The following PTPRD variants were observed in gnomAD, a reference collection of about 807,000 sequenced individuals.
PTPRD encodes the protein receptor-type tyrosine-protein phosphatase delta.
In PTPRD, 34 loss-of-function variants were observed where a neutral mutation model predicts 214.5. The observed-to-expected ratio is 0.16, with a 90% CI of 0.12 to 0.21. The LOEUF (loss-of-function observed/expected upper bound fraction) is 0.21, where lower values mean the gene tolerates loss of function less well. Among genes scored for constraint, PTPRD ranks in the 10% least tolerant of loss-of-function variants. The pLI is 1.00. For missense variants in PTPRD, 2,545 were observed against 2,398.7 expected (o/e 1.06, Z -1.27); for synonymous variants, 1,128 against 845.7 (o/e 1.33, Z -5.79).
chr9:10,041,002 A>G (rs1438200360), intron 3 of PTPRD, among the ~76,000 whole-genome samples: 1 of 152,052 alleles, frequency 6.6e-6, no homozygotes, highest in Non-Finnish European at 1.5e-5. Context: ...ATACATTTTT[A>G]AATGTTTTTC....
At chr9:9,242,428 C>G (rs1223311487) in intron 9 of PTPRD, among the ~76,000 whole-genome samples, 1 of 152,148 alleles carries the variant, frequency 6.6e-6, no homozygotes, top group Non-Finnish European at 1.5e-5. Flanking sequence ...TGGATAATAT[C>G]CTGCAGAGTG....
intron 4 of PTPRD, among the ~76,000 whole-genome samples, chr9:9,947,493 ATATATATTTTATATATATAATATATATAT>A (rs2092850625): frequency 3.1e-5 from 1 of 32,694 alleles, no homozygotes; most frequent in African/African-American, 1.4e-4. Flanking sequence ...TATATATATT[ATATATATTTTATATATATAATATATATAT>A]TATATATATT....
chr9:9,030,255 A>C (rs2099600294), intron 10 of PTPRD, among the ~76,000 whole-genome samples: 1 of 120,986 alleles, frequency 8.3e-6, no homozygotes, highest in African/African-American at 3.1e-5. Context: ...GTGCCTTTGG[A>C]TCACATGGGC....
chr9:8,825,872 G>A (rs1047551526), intron 11 of PTPRD, among the ~76,000 whole-genome samples: 1 of 152,168 alleles, frequency 6.6e-6, no homozygotes, highest in Non-Finnish European at 1.5e-5. Flanking sequence ...CAGCAAGGAT[G>A]AGCAGATGCC....
chr9:9,235,982 G>A (rs147051146), intron 9 of PTPRD, among the ~76,000 whole-genome samples: 2 of 152,182 alleles, frequency 1.3e-5, no homozygotes, highest in East Asian at 3.9e-4. Flanking sequence ...GAGCAAAATT[G>A]GCCAGGTGCG....
In PTPRD at chr9:9,769,613, A is replaced by T. The variant is rs566318471; in HGVS notation, c.-367-2762T>A. Reference sequence around the variant, plus strand: ...AGTGCTGGGATTACAGGCTTGAGCCACCGTGCCCGGCCACCAGAAGCCCTT... The same window carrying T: ...AGTGCTGGGATTACAGGCTTGAGCCTCCGTGCCCGGCCACCAGAAGCCCTT... On this transcript the variant is annotated intron_variant, in intron 5 of 45. Coordinates refer to ENST00000381196, the MANE Select transcript of PTPRD (RefSeq NM_002839.4). 4.5e-3 allele frequency among the ~76,000 whole-genome samples: 677 copies of T among 152,122 alleles called. 9 individuals carry two copies. Among genetic ancestry groups the T allele is most frequent in the South Asian group, 0.021 (101 of 4,814 alleles).
chr9:10,368,647 G>A (rs1382793211), intron 2 of PTPRD, among the ~76,000 whole-genome samples: 4 of 152,058 alleles, frequency 2.6e-5, no homozygotes, highest in African/African-American at 4.8e-5. Context: ...AAGGTAGGCT[G>A]TGATTACTAG....
rs2077787161 is a variant in PTPRD at position 8,359,141 on chromosome 9, A to ATG, written c.4661+16794_4661+16795insCA. ...AAAAAAACAAAAAAAAAAAAAAACA[A>ATG]AAAAAAATTGAATCAGATTTTAGAT... On this transcript the variant is annotated intron_variant, in intron 39 of 45. Coordinates refer to ENST00000381196, the MANE Select transcript of PTPRD (RefSeq NM_002839.4). Among the ~76,000 whole-genome samples the ATG allele has an allele frequency of 1.2e-4, 14 of 117,060 alleles. 2 individuals carry two copies. Among genetic ancestry groups the ATG allele is most frequent in the Non-Finnish European group, 2.4e-4 (13 of 53,626 alleles). The allele number at this position is 117,060 out of a possible 152,430, so 76.8% of individuals were successfully genotyped here. A position where few individuals can be genotyped will look rare whatever the true frequency, so the allele number is the denominator to read the frequency against.
rs991628181 is a variant in PTPRD, at chr9:10,421,213, C to G, written c.-599-80196G>C. On this transcript the variant is annotated intron_variant, in intron 2 of 45. Coordinates refer to ENST00000381196, the MANE Select transcript of PTPRD (RefSeq NM_002839.4). ...ATTCACTACTTCAGGGGGTTCTGCA[C>G]TGCAGATTACGGGAGGAGTTCCCTA... Among the ~76,000 whole-genome samples, 33 of 151,886 alleles carry G rather than the reference C, an allele frequency of 2.2e-4. 1 individual carries two copies. Among genetic ancestry groups the G allele is most frequent in the Non-Finnish European group, 4.4e-4 (30 of 67,902 alleles).
At chr9:10,056,018 T>C (rs2097637692) in intron 3 of PTPRD, among the ~76,000 whole-genome samples, 1 of 151,420 alleles carries the variant, frequency 6.6e-6, no homozygotes, top group Non-Finnish European at 1.5e-5. Flanking sequence ...CTGAAAGTAC[T>C]TCTTAAGAAT....
chr9:8,541,418 G>C (rs750499008), intron 14 of PTPRD, among the ~76,000 whole-genome samples: 15 of 152,098 alleles, frequency 9.9e-5, no homozygotes, highest in Non-Finnish European at 1.6e-4. Flanking sequence ...TTTTCATAGA[G>C]ATGGGTCTCA....
intron 2 of PTPRD, among the ~76,000 whole-genome samples, chr9:10,426,090 T>C (rs2098611724): frequency 6.6e-6 from 1 of 152,014 alleles, no homozygotes; most frequent in South Asian, 2.1e-4. Context: ...TTAGAACAGA[T>C]AATGATGCAA....
chr9:10,308,249 G>A (rs2096149801), intron 3 of PTPRD, among the ~76,000 whole-genome samples: 1 of 151,974 alleles, frequency 6.6e-6, no homozygotes, highest in African/African-American at 2.4e-5. Flanking sequence ...TATATAGTGA[G>A]AGATAGCATC....
chr9:8,891,215 G>A (rs1015339778), intron 11 of PTPRD, among the ~76,000 whole-genome samples: 2 of 142,306 alleles, frequency 1.4e-5, no homozygotes, highest in African/African-American at 5.2e-5. Context: ...CTCACTGCAA[G>A]CTCCGCCTCC....
chr9:9,775,374 C>T (rs762676845), intron 5 of PTPRD, among the ~76,000 whole-genome samples: 4 of 152,112 alleles, frequency 2.6e-5, no homozygotes, highest in Non-Finnish European at 4.4e-5. Flanking sequence ...GTCCTAAATT[C>T]TTGTTTAGTC....
At chr9:9,864,254 C>T (rs779879596) in intron 5 of PTPRD, among the ~76,000 whole-genome samples, 52 of 151,640 alleles carry the variant, frequency 3.4e-4, no homozygotes, top group Non-Finnish European at 6.0e-4. Flanking sequence ...TGCAGTGAGC[C>T]GAGATCGCGC....
At chr9:10,130,608 A>C (rs1395263564) in intron 3 of PTPRD, among the ~76,000 whole-genome samples, 6 of 152,162 alleles carry the variant, frequency 3.9e-5, no homozygotes, top group African/African-American at 1.2e-4. Context: ...CTGTCTTCTG[A>C]GCATACAGTT....
intron 3 of PTPRD, among the ~76,000 whole-genome samples, chr9:10,299,693 C>T (rs1163983518): frequency 6.6e-6 from 1 of 152,118 alleles, no homozygotes; most frequent in Admixed American, 6.6e-5. Context: ...CCTGGAGTCA[C>T]TACAGGTCAT....
chr9:10,196,385 A>G (rs1352230861), intron 3 of PTPRD, among the ~76,000 whole-genome samples: 1 of 152,128 alleles, frequency 6.6e-6, no homozygotes, highest in African/African-American at 2.4e-5. Context: ...AACATCTGGC[A>G]CAAATTAAGT....
Sources: gnomAD v4.1 joint callset for allele counts (sites outside exome capture counted in the v4.1 genomes callset) on GRCh38, gnomAD v4.1.1 for gene constraint, MANE v1.5 for transcripts, NCBI Gene and HGNC (gene_info 2026-07-23, HGNC 2026-07-21) for gene names.